Variants in HMCN1 observed in about 807,000 individuals in gnomAD.
HMCN1 encodes hemicentin-1.
Under a neutral mutation model 625.9 loss-of-function variants are expected in HMCN1, and 321 were observed. That is an observed-to-expected ratio of 0.51 (90% CI 0.47 to 0.56). The LOEUF (loss-of-function observed/expected upper bound fraction) is 0.56, where lower values mean the gene tolerates loss of function less well. HMCN1 is among the 20% of genes least tolerant of loss of function. HMCN1 has a pLI of 0.00. For synonymous variants in HMCN1, 2,425 were observed against 2,417.6 expected (o/e 1.00, Z -0.09); for missense variants, 6,588 against 6,887.3 (o/e 0.96, Z 1.54).
chr1:186,097,336 T>G (rs928714814), intron 68 of HMCN1, among the ~76,000 whole-genome samples: 4 of 152,024 alleles, frequency 2.6e-5, no homozygotes, highest in African/African-American at 4.8e-5. Context: ...CAACTGCATA[T>G]CAAAAATATA....
chr1:186,153,013 T>C (rs1320449987), intron 96 of HMCN1, 142 bp downstream of exon 96: 2 of 1,180,830 alleles, frequency 1.7e-6, no homozygotes, highest in East Asian at 4.9e-5. Context: ...ATCTGATCTT[T>C]GTTTAAAAAT....
In HMCN1 at chr1:185,993,171, C is replaced by A. The variant is rs1652553054; in HGVS notation, c.3378-11C>A. ...TCTTCCATGGTCTACTATATGGTTT[C>A]TTTCTTTTAGACACACATTCCTCCC... On this transcript the variant is annotated splice_polypyrimidine_tract_variant and intron_variant, in intron 22 of 106. Transcript: ENST00000271588. 6.2e-7 allele frequency: 1 copy of A among 1,610,776 alleles called. No homozygotes were observed. Among genetic ancestry groups the A allele is most frequent in the South Asian group, 1.1e-5 (1 of 91,028 alleles).
At chr1:186,114,176 T>TA (rs1661019487) in intron 73 of HMCN1, 53 bp downstream of exon 73, 1 of 1,598,592 alleles carries the variant, frequency 6.3e-7, no homozygotes, top group Admixed American at 1.7e-5. Flanking sequence ...TACAAATTCT[T>TA]AATTTTTTTT....
At chr1:185,981,210 G>C in intron 17 of HMCN1, 137 bp downstream of exon 17, 2 of 669,962 alleles carry the variant, frequency 3.0e-6, no homozygotes, top group Non-Finnish European at 2.7e-6. Flanking sequence ...TCCCTTCCCT[G>C]CCACACTTCA....
intron 49 of HMCN1, 37 bp downstream of exon 49, chr1:186,065,466 G>A: frequency 1.4e-6 from 2 of 1,465,212 alleles, no homozygotes; most frequent in Non-Finnish European, 1.8e-6. Flanking sequence ...TAAAGAATCT[G>A]ACATGACTGT....
At chr1:186,020,168 G>A (rs551349156) in intron 35 of HMCN1, among the ~76,000 whole-genome samples, 105 of 151,854 alleles carry the variant, frequency 6.9e-4, no homozygotes, top group African/African-American at 2.3e-3. Context: ...CTTTTTTATC[G>A]TTCATAGTGA....
chr1:185,873,326 A>G (rs1558031190), intron 4 of HMCN1, among the ~76,000 whole-genome samples: 1 of 152,272 alleles, frequency 6.6e-6, no homozygotes, highest in East Asian at 1.9e-4. Flanking sequence ...GTCTTGAAAG[A>G]CAGTACCTAT....
intron 9 of HMCN1, among the ~76,000 whole-genome samples, chr1:185,927,597 G>T (rs974675672): frequency 1.3e-5 from 2 of 152,068 alleles, no homozygotes; most frequent in Admixed American, 1.3e-4. Context: ...ATGGTTTTTT[G>T]ATGATAAGTA....
intron 1 of HMCN1, among the ~76,000 whole-genome samples, chr1:185,797,808 T>C (rs1408975197): frequency 7.1e-6 from 1 of 140,166 alleles, no homozygotes; most frequent in African/African-American, 3.2e-5. Context: ...CTACTAAAAA[T>C]ACAAAAAATT....
chr1:186,004,722 A>G (rs894128473), intron 29 of HMCN1, among the ~76,000 whole-genome samples: 1 of 152,164 alleles, frequency 6.6e-6, no homozygotes. Context: ...ACTTGTTGAT[A>G]TCTGTTAAAA....
chr1:185,903,851 A>G (rs1260064717), intron 4 of HMCN1, among the ~76,000 whole-genome samples: 3 of 151,874 alleles, frequency 2.0e-5, no homozygotes, highest in South Asian at 4.1e-4. Context: ...TTGCAAGTCT[A>G]GAACACTTGT....
chr1:185,994,983 C>T lies in HMCN1; in HGVS notation c.3674C>T (p.Thr1225Ile). The change falls in exon 24 of 107, where the codon ACT (threonine) becomes ATT (isoleucine). Residue 1225 changes from threonine (T) to isoleucine (I), a missense_variant. Thr to Ile is a moderately conservative substitution (Grantham distance 89). Transcript: ENST00000271588. The part of the protein sequence containing the change: ...GEHHVSNPDG[T>I]LSIDQATPSD... ...CACCATGTTAGCAATCCAGACGGAA[C>T]TTTAAGCATCGACCAAGCCACGCCC... 6.2e-7 allele frequency: 1 copy of T among 1,613,902 alleles called. No individual in the cohort carries two copies. Among genetic ancestry groups the T allele is most frequent in the South Asian group, 1.1e-5 (1 of 91,078 alleles).
chr1:185,922,417 C>A lies in HMCN1; in HGVS notation c.939C>A (p.Gly313=). 2 of 1,613,578 alleles carry A rather than the reference C, an allele frequency of 1.2e-6. No individual in the cohort carries two copies. The highest frequency in any genetic ancestry group is 2.2e-5 in the South Asian group (2 of 91,074). The part of the protein sequence containing the change: ...SSGRHSVRIT[G]LSTIDFRAGF... ...GAAGGCACTCTGTTCGCATTACTGG[C>A]CTCAGTACTATTGATTTCCGAGCTG... The change falls in exon 7 of 107, where the codon GGC becomes GGA. Residue 313 remains glycine, a synonymous_variant. Coordinates refer to ENST00000271588, the MANE Select transcript of HMCN1 (RefSeq NM_031935.3).
intron 68 of HMCN1, among the ~76,000 whole-genome samples, chr1:186,099,251 G>A (rs1660282015): frequency 6.6e-6 from 1 of 152,002 alleles, no homozygotes; most frequent in Non-Finnish European, 1.5e-5. Context: ...TACATGTATG[G>A]AAACATCACA....
At chr1:186,096,751 A>T (rs1029827353) in intron 68 of HMCN1, among the ~76,000 whole-genome samples, 1 of 152,176 alleles carries the variant, frequency 6.6e-6, no homozygotes, top group Non-Finnish European at 1.5e-5. Flanking sequence ...ATACACAATC[A>T]ATAAATGTGA....
At chr1:185,957,872 ATAT>A (rs775960268) in intron 11 of HMCN1, among the ~76,000 whole-genome samples, 49 of 151,834 alleles carry the variant, frequency 3.2e-4, no homozygotes, top group Non-Finnish European at 1.3e-4. Context: ...TATGAAAATA[ATAT>A]TATAACCACA....
intron 1 of HMCN1, among the ~76,000 whole-genome samples, chr1:185,807,578 G>T (rs1659250736): frequency 6.6e-6 from 1 of 152,098 alleles, no homozygotes; most frequent in Non-Finnish European, 1.5e-5. Context: ...TGAAAGTAAG[G>T]CTAGTTCTGG....
intron 64 of HMCN1, among the ~76,000 whole-genome samples, chr1:186,091,880 C>T (rs983147333): frequency 6.6e-6 from 1 of 151,840 alleles, no homozygotes; most frequent in African/African-American, 2.4e-5. Context: ...TCTTTGTATT[C>T]ATTGTGTATT....
chr1:186,035,309 A>G (rs1450111135), intron 36 of HMCN1, among the ~76,000 whole-genome samples: 1 of 152,210 alleles, frequency 6.6e-6, no homozygotes, highest in Admixed American at 6.6e-5. Context: ...CTTTAGGAAC[A>G]ACTCCCAGGA....
Sources: gnomAD v4.1 joint callset for allele counts (sites outside exome capture counted in the v4.1 genomes callset) on GRCh38, gnomAD v4.1.1 for gene constraint, MANE v1.5 for transcripts, NCBI Gene and HGNC (gene_info 2026-07-23, HGNC 2026-07-21) for gene names.